Variants in BRI3BP observed in about 807,000 individuals in gnomAD.
BRI3BP encodes BRI3-binding protein.
In BRI3BP, 7 loss-of-function variants were observed where a neutral mutation model predicts 15.8. The ratio of observed to expected loss-of-function variants is 0.44; its 90% confidence interval spans 0.25 to 0.83. The LOEUF (loss-of-function observed/expected upper bound fraction) is 0.83. BRI3BP is among the 40% of genes least tolerant of loss of function. BRI3BP has a pLI of 0.20. For synonymous variants in BRI3BP, 192 were observed against 163.5 expected (o/e 1.17, Z -1.33); for missense variants, 320 against 339.3 (o/e 0.94, Z 0.45).
the BRI3BP span, among the ~76,000 whole-genome samples, chr12:125,047,822 G>A: frequency 4.6e-5 from 7 of 151,608 alleles, no homozygotes; most frequent in African/African-American, 1.5e-4. Context: ...TCAGCCTCCC[G>A]AGTAGCTGGG....
In BRI3BP at chr12:125,009,410, C is replaced by T. The variant is rs538337713; in HGVS notation, c.214-3124C>T. Reference sequence around the variant, plus strand: ...GTTCAAGCAATTCTCCTGCCTCAGCCTCCCAAGTAGCTGGGATTACAGGCG... The same window carrying T: ...GTTCAAGCAATTCTCCTGCCTCAGCTTCCCAAGTAGCTGGGATTACAGGCG... On this transcript the variant is annotated intron_variant, in intron 1 of 2. Transcript: ENST00000341446. 9.3e-4 allele frequency among the ~76,000 whole-genome samples: 141 copies of T among 151,866 alleles called. 1 individual carries two copies. Among genetic ancestry groups the T allele is most frequent in the African/African-American group, 3.3e-3 (137 of 41,422 alleles).
intron 2 of BRI3BP, among the ~76,000 whole-genome samples, chr12:125,023,897 C>T (rs780010141): frequency 6.6e-6 from 1 of 152,134 alleles, no homozygotes; most frequent in African/African-American, 2.4e-5. Flanking sequence ...ATGGTGAAAC[C>T]TCATCTCTAC....
downstream of BRI3BP, among the ~76,000 whole-genome samples, chr12:125,034,727 C>G (rs1364954465): frequency 6.6e-6 from 1 of 151,970 alleles, no homozygotes; most frequent in Admixed American, 6.6e-5. Context: ...GTAGCTGGGA[C>G]TACAGGCGCC....
At chr12:125,001,610 A>G (rs1017091144) in intron 1 of BRI3BP, among the ~76,000 whole-genome samples, 4 of 150,638 alleles carry the variant, frequency 2.7e-5, no homozygotes. Flanking sequence ...TCCTGGGCTC[A>G]TGCGATCCTC....
the BRI3BP span, among the ~76,000 whole-genome samples, chr12:125,038,332 T>C: frequency 6.6e-6 from 1 of 152,150 alleles, no homozygotes; most frequent in African/African-American, 2.4e-5. Flanking sequence ...CTTTTCTTGG[T>C]TATCTTCAAA....
chr12:125,009,587 G>C (rs1955178884), intron 1 of BRI3BP, among the ~76,000 whole-genome samples: 1 of 149,044 alleles, frequency 6.7e-6, no homozygotes, highest in Admixed American at 6.8e-5. Context: ...ACCAGGCACA[G>C]CCTATAATGT....
chr12:125,016,988 A>C, intron 2 of BRI3BP, among the ~76,000 whole-genome samples: 1 of 148,514 alleles, frequency 6.7e-6, no homozygotes, highest in Admixed American at 6.8e-5. Context: ...AGTGTGCACC[A>C]CCACATCTGG....
At chr12:125,046,470 C>A in the BRI3BP span, among the ~76,000 whole-genome samples, 3 of 152,078 alleles carry the variant, frequency 2.0e-5, no homozygotes, top group Non-Finnish European at 2.9e-5. Flanking sequence ...AAGAAGCTGC[C>A]TCCCAAGAAC....
At chr12:124,998,084 G>A (rs11057959) in intron 1 of BRI3BP, among the ~76,000 whole-genome samples, 7,655 of 149,880 alleles carry the variant, frequency 0.051, 514 homozygotes, top group East Asian at 0.17. Flanking sequence ...AGATTGCACC[G>A]TTGCGCGCGC....
chr12:125,036,752 G>T, the BRI3BP span, among the ~76,000 whole-genome samples: 1 of 152,142 alleles, frequency 6.6e-6, no homozygotes, highest in Non-Finnish European at 1.5e-5. Flanking sequence ...CAGGGTCTTT[G>T]GGAGGTGATT....
intron 2 of BRI3BP, among the ~76,000 whole-genome samples, chr12:125,020,746 G>T (rs1294046868): frequency 1.3e-5 from 2 of 152,096 alleles, no homozygotes; most frequent in Admixed American, 1.3e-4. Flanking sequence ...TTAGCTTGGT[G>T]GTGCATGCTT....
chr12:125,035,270 G>C (rs1955434659), downstream of BRI3BP, among the ~76,000 whole-genome samples: 1 of 152,240 alleles, frequency 6.6e-6, no homozygotes. Flanking sequence ...GTTTTCCAAA[G>C]TGGTTGTAGC....
chr12:125,001,584 A>G (rs1955091621), intron 1 of BRI3BP, among the ~76,000 whole-genome samples: 1 of 151,352 alleles, frequency 6.6e-6, no homozygotes, highest in Non-Finnish European at 1.5e-5. Context: ...TGTGTTGCCC[A>G]GGCTGGTCTC....
chr12:125,033,838 G>A (rs1955423476), downstream of BRI3BP, among the ~76,000 whole-genome samples: 2 of 151,856 alleles, frequency 1.3e-5, no homozygotes, highest in South Asian at 2.1e-4. Flanking sequence ...CATCTCCACG[G>A]TTCAAGCAAT....
chr12:125,000,937 G>A lies in BRI3BP; in HGVS notation c.213+6934G>A, dbSNP rs182377397. ...AGTCCATATTCAAATTGTCTTTATA[G>A]CTCATAAAAAATCCAACACCCAGTC... On this transcript the variant is annotated intron_variant, in intron 1 of 2. Coordinates refer to ENST00000341446, the MANE Select transcript of BRI3BP (RefSeq NM_080626.6). Among the ~76,000 whole-genome samples the A allele has an allele frequency of 2.6e-4, 40 of 152,282 alleles. No individual in the cohort carries two copies. The East Asian group carries it at 6.9e-3, about 26-fold the overall frequency.
the BRI3BP span, among the ~76,000 whole-genome samples, chr12:125,037,708 A>C: frequency 6.6e-6 from 1 of 151,250 alleles, no homozygotes; most frequent in South Asian, 2.1e-4. Flanking sequence ...ACTACTTGGG[A>C]GGCTGAGGCA....
chr12:125,037,582 C>A, the BRI3BP span, among the ~76,000 whole-genome samples: 1 of 149,342 alleles, frequency 6.7e-6, no homozygotes, highest in African/African-American at 2.5e-5. Context: ...GAGGCCAAGG[C>A]GGGCAGATCA....
At chr12:125,009,763 G>T (rs1234990132) in intron 1 of BRI3BP, among the ~76,000 whole-genome samples, 1 of 152,132 alleles carries the variant, frequency 6.6e-6, no homozygotes, top group East Asian at 1.9e-4. Flanking sequence ...GGGCTAAAAT[G>T]TTGGTGTCCT....
chr12:125,015,624 C>A (rs960895118), intron 2 of BRI3BP, among the ~76,000 whole-genome samples: 9 of 152,048 alleles, frequency 5.9e-5, no homozygotes, highest in African/African-American at 2.2e-4. Flanking sequence ...TGCTTGACAC[C>A]CAGAGATGGG....
Sources: allele counts gnomAD v4.1 joint callset (sites outside exome capture counted in the v4.1 genomes callset), GRCh38; gene constraint gnomAD v4.1.1; transcripts MANE v1.5; gene names NCBI Gene and HGNC (gene_info 2026-07-23, HGNC 2026-07-21).